Variants in ELOA2 observed in about 807,000 individuals in gnomAD.
ELOA2 encodes elongin A2, also known as elongin-A2.
For synonymous variants in ELOA2, 497 were observed against 398.8 expected, an observed-to-expected ratio of 1.25 and a Z score of -2.94; for missense variants, 1,271 against 979.7, an observed-to-expected ratio of 1.30 and a Z score of -3.97.
At position 47,033,139 on chromosome 18, in the gene ELOA2, C is replaced by G. The variant is rs759800111; in HGVS notation, c.2126G>C (p.Arg709Pro). The G allele has an allele frequency of 6.2e-7, 1 of 1,613,936 alleles. No individual in the cohort carries two copies. Among genetic ancestry groups the G allele is most frequent in the African/African-American group, 1.3e-5 (1 of 74,878 alleles). The change falls in exon 1 of 1, where the codon CGG becomes CCG. Residue 709 changes from arginine to proline, a missense_variant. By Grantham distance (103) the Arg-to-Pro change is moderately radical (BLOSUM62 -2). Coordinates refer to ENST00000332567, the MANE Select transcript of ELOA2 (RefSeq NM_016427.3). ...SSILRWLPEK[R>P]ANPCLSSSNE... ...GCTGCTGCTCAGGCAGGGGTTGGCC[C>G]GCTTCTCAGGGAGCCAGCGAAGGAT...
chr18:47,033,748 C>T lies in ELOA2; in HGVS notation c.1517G>A (p.Arg506His). Residue 506 changes from arginine to histidine, a missense_variant, in exon 1 of 1, where the codon CGC becomes CAC. Transcript: ENST00000332567. ...CACCGGCATCTTAGCATTCACTCTG[C>T]GTCCAGGGAAAGCAGCTTCCTCCCG... Reference protein sequence around the residue: ...KFREEAAFPGRRVNAKMPVYS... With the variant: ...KFREEAAFPGHRVNAKMPVYS... The T allele has an allele frequency of 1.2e-6, 2 of 1,614,200 alleles. No individual in the cohort carries two copies. Among genetic ancestry groups the T allele is most frequent in the Middle Eastern group, 1.6e-4 (1 of 6,062 alleles).
rs757001020 is a variant in ELOA2 at position 47,033,725 on chromosome 18, C to T, written c.1540G>A (p.Val514Met). ...CAGGCAGGCCTGGAGCCCGAGTACA[C>T]CGGCATCTTAGCATTCACTCTGCGT... ...PGRRVNAKMPVYSGSRPACQL... is the reference protein window; with the variant it reads ...PGRRVNAKMPMYSGSRPACQL... Residue 514 changes from valine (V) to methionine (M), a missense_variant, in exon 1 of 1, where the codon GTG becomes ATG. By Grantham distance (21) the Val-to-Met change is conservative. Coordinates refer to ENST00000332567, the MANE Select transcript of ELOA2 (RefSeq NM_016427.3). 8 of 1,614,188 alleles carry T rather than the reference C, an allele frequency of 5.0e-6. No homozygotes were observed. Among genetic ancestry groups the T allele is most frequent in the Non-Finnish European group, 6.8e-6 (8 of 1,180,054 alleles).
chr18:47,033,177 G>T lies in ELOA2; in HGVS notation c.2088C>A (p.Asp696Glu). 6.2e-7 allele frequency: 1 copy of T among 1,614,088 alleles called. No individual in the cohort carries two copies. Among genetic ancestry groups the T allele is most frequent in the Non-Finnish European group, 8.5e-7 (1 of 1,179,996 alleles). ...SSQSSSGGGR[D>E]SSSSILRWLP... Reference sequence around the variant, plus strand: ...GCCAGCGAAGGATGCTGCTGCTGCTGTCTCTGCCACCGCCGCTGCTGCTCT... The same window carrying T: ...GCCAGCGAAGGATGCTGCTGCTGCTTTCTCTGCCACCGCCGCTGCTGCTCT... The change falls in exon 1 of 1, where the codon GAC becomes GAA. Residue 696 changes from aspartate (D) to glutamate (E), a missense_variant. Coordinates refer to ENST00000332567, the MANE Select transcript of ELOA2 (RefSeq NM_016427.3).
chr18:47,032,558 C>G lies in ELOA2; in HGVS notation c.*445G>C, dbSNP rs1358060280. ...GATCATGCTCAGCCTTTTATTAAAA[C>G]AACAACAACGGCAGCAACAGCAAAC... On this transcript the variant is annotated 3_prime_UTR_variant, in exon 1 of 1. Coordinates refer to ENST00000332567, the MANE Select transcript of ELOA2 (RefSeq NM_016427.3). 2 of 210,690 alleles carry G rather than the reference C, an allele frequency of 9.5e-6. No homozygotes were observed. Among genetic ancestry groups the G allele is most frequent in the Non-Finnish European group, 1.9e-5 (2 of 105,074 alleles). The allele number at this position is 210,690 out of a possible 1,614,324, so 13.1% of individuals were successfully genotyped here. A position where few individuals can be genotyped will look rare whatever the true frequency, so the allele number is the denominator to read the frequency against.
rs577341359 is a variant in ELOA2, at chr18:47,033,157, C to G, written c.2108G>C (p.Arg703Pro). The G allele has an allele frequency of 2.5e-6, 4 of 1,614,042 alleles. No individual in the cohort carries two copies. Among genetic ancestry groups the G allele is most frequent in the South Asian group, 1.1e-5 (1 of 91,070 alleles). Residue 703 changes from arginine (R) to proline (P), a missense_variant, in exon 1 of 1, where the codon CGC (arginine) becomes CCC (proline). Coordinates refer to ENST00000332567, the MANE Select transcript of ELOA2 (RefSeq NM_016427.3). ...GGRDSSSSILRWLPEKRANPC... is the reference protein window; with the variant it reads ...GGRDSSSSILPWLPEKRANPC... ...GTTGGCCCGCTTCTCAGGGAGCCAGCGAAGGATGCTGCTGCTGCTGTCTCT... is the reference window on the plus strand; with the variant it reads ...GTTGGCCCGCTTCTCAGGGAGCCAGGGAAGGATGCTGCTGCTGCTGTCTCT...
rs139477376 is a variant in ELOA2, at chr18:47,033,562, T to C, written c.1703A>G (p.Tyr568Cys). 1.9e-6 allele frequency: 3 copies of C among 1,614,218 alleles called. No homozygotes were observed. The highest frequency in any genetic ancestry group is 2.5e-6 in the Non-Finnish European group (3 of 1,180,042). ...VLEGWRPDQLYRRKKDNHALV... is the reference protein window; with the variant it reads ...VLEGWRPDQLCRRKKDNHALV... The stretch of plus-strand genomic sequence containing the variant: ...TGCGTGATTGTCTTTCTTTCTGCGA[T>C]ACAGCTGATCGGGCCTCCACCCTTC... Residue 568 changes from tyrosine to cysteine, a missense_variant, in exon 1 of 1, where the codon TAT (tyrosine) becomes TGT (cysteine). Transcript: ENST00000332567.
rs1330623662 is a variant in ELOA2, at chr18:47,033,558, G to A, written c.1707C>T (p.Arg569=). ...CGAGTGCGTGATTGTCTTTCTTTCT[G>A]CGATACAGCTGATCGGGCCTCCACC... is the stretch of plus-strand genomic sequence containing the variant. The part of the protein sequence containing the change: ...LEGWRPDQLY[R]RKKDNHALVR... Residue 569 remains arginine (R), a synonymous_variant, in exon 1 of 1, where the codon CGC becomes CGT. Coordinates refer to ENST00000332567, the MANE Select transcript of ELOA2 (RefSeq NM_016427.3). 3.1e-6 allele frequency: 5 copies of A among 1,613,972 alleles called. No homozygotes were observed. Among genetic ancestry groups the A allele is most frequent in the Non-Finnish European group, 4.2e-6 (5 of 1,180,042 alleles).
chr18:47,032,988 A>G lies in ELOA2; in HGVS notation c.*15T>C, dbSNP rs199820971. The G allele has an allele frequency of 1.7e-5, 27 of 1,614,008 alleles. No homozygotes were observed. The East Asian group carries it at 5.8e-4, about 35-fold the overall frequency. ...AAAATCCCCCCAGATTTTATCTGCAAGGCAAGTCCTGAGTTTATCGTCGGG... is the reference window on the plus strand; with the variant it reads ...AAAATCCCCCCAGATTTTATCTGCAGGGCAAGTCCTGAGTTTATCGTCGGG... On this transcript the variant is annotated 3_prime_UTR_variant, in exon 1 of 1. Transcript: ENST00000332567.
chr18:47,033,238 G>C lies in ELOA2; in HGVS notation c.2027C>G (p.Ser676Cys). ...DPENGEIKPA[S>C]KPAGSSHTPS... is the part of the protein sequence containing the mutation. ...AGTGTGGCTGCTTCCCGCGGGCTTG[G>C]AGGCTGGCTTGATCTCCCCATTTTC... The change falls in exon 1 of 1, where the codon TCC becomes TGC. Residue 676 changes from serine (S) to cysteine (C), a missense_variant. By Grantham distance (112) the Ser-to-Cys change is moderately radical (BLOSUM62 -1). Coordinates refer to ENST00000332567, the MANE Select transcript of ELOA2 (RefSeq NM_016427.3). 6.2e-7 allele frequency: 1 copy of C among 1,613,852 alleles called. No homozygotes were observed.
Position 47,034,918 on chromosome 18 carries a change from G to A in ELOA2, c.347C>T (p.Ala116Val), listed in dbSNP as rs974032541. 3 of 1,611,820 alleles carry A rather than the reference G, an allele frequency of 1.9e-6. No homozygotes were observed. The highest frequency in any genetic ancestry group is 2.7e-5 in the African/African-American group (2 of 74,796). ...GTGAGATGGGCTCCTGGGGGCCGTC[G>A]CGTTTTCTGGGAAGCCCCAGGCCTT... Reference protein sequence around the residue: ...QEKAWGFPENATAPRSPSHSP... With the variant: ...QEKAWGFPENVTAPRSPSHSP... Residue 116 changes from alanine to valine, a missense_variant, in exon 1 of 1, where the codon GCG becomes GTG. Ala to Val is a moderately conservative substitution (Grantham distance 64). Coordinates refer to ENST00000332567, the MANE Select transcript of ELOA2 (RefSeq NM_016427.3).
rs537827227 is a variant in ELOA2, at chr18:47,032,935, C to T, written c.*68G>A. ...CTGGTGTCCATTGGAAGTTTCGTTC[C>T]CCAACCCGCATTGACTTTGCCAATG... On this transcript the variant is annotated 3_prime_UTR_variant, in exon 1 of 1. Transcript: ENST00000332567. 1,507 of 1,611,258 alleles carry T rather than the reference C, an allele frequency of 9.4e-4. 15 individuals are homozygous for T. Among genetic ancestry groups the T allele is most frequent in the East Asian group, 4.3e-3 (193 of 44,860 alleles).
In ELOA2 at chr18:47,033,609, G is replaced by A. The variant is rs1007258886; in HGVS notation, c.1656C>T (p.Tyr552=). 6.2e-7 allele frequency: 1 copy of A among 1,614,190 alleles called. No homozygotes were observed. Among genetic ancestry groups the A allele is most frequent in the South Asian group, 1.1e-5 (1 of 91,080 alleles). ...DALSDVGEVP[Y]WVLEPVLEGW... is the part of the protein sequence containing the mutation. ...CTTCCAGAACAGGTTCAAGAACCCAGTAGGGGACCTCTCCCACGTCGCTGA... is the reference window on the plus strand; with the variant it reads ...CTTCCAGAACAGGTTCAAGAACCCAATAGGGGACCTCTCCCACGTCGCTGA... The change falls in exon 1 of 1, where the codon TAC becomes TAT. Residue 552 remains tyrosine (Y), a synonymous_variant. Transcript: ENST00000332567.
rs2060611646 is a variant in ELOA2 at position 47,033,760 on chromosome 18, G to A, written c.1505C>T (p.Ala502Val). 1 of 1,614,242 alleles carries A rather than the reference G, an allele frequency of 6.2e-7. No individual in the cohort carries two copies. Among genetic ancestry groups the A allele is most frequent in the Non-Finnish European group, 8.5e-7 (1 of 1,180,056 alleles). The change falls in exon 1 of 1, where the codon GCT (alanine) becomes GTT (valine). Residue 502 changes from alanine (A) to valine (V), a missense_variant. Coordinates refer to ENST00000332567, the MANE Select transcript of ELOA2 (RefSeq NM_016427.3). ...AGCATTCACTCTGCGTCCAGGGAAA[G>A]CAGCTTCCTCCCGGAACTTTGGTGA... ...LSSPKFREEAAFPGRRVNAKM... is the reference protein window; with the variant it reads ...LSSPKFREEAVFPGRRVNAKM...
Position 47,033,659 on chromosome 18 carries a change from C to G in ELOA2, c.1606G>C (p.Val536Leu), listed in dbSNP as rs1158991586. Residue 536 changes from valine to leucine, a missense_variant, in exon 1 of 1, where the codon GTG becomes CTG. By Grantham distance (32) the Val-to-Leu change is conservative (BLOSUM62 1). Coordinates refer to ENST00000332567, the MANE Select transcript of ELOA2 (RefSeq NM_016427.3). The stretch of plus-strand genomic sequence containing the variant: ...AGGGCGTCCGGATTGTTTCTAAGCA[C>G]CTGGGCACACTGCTGGCGCAGCGTC... ...VPTLRQQCAQ[V>L]LRNNPDALSD... 6.2e-7 allele frequency: 1 copy of G among 1,614,086 alleles called. No individual in the cohort carries two copies. Among genetic ancestry groups the G allele is most frequent in the African/African-American group, 1.3e-5 (1 of 74,944 alleles).
rs761478370 is a variant in ELOA2 at position 47,034,791 on chromosome 18, G to C, written c.474C>G (p.Pro158=). The stretch of plus-strand genomic sequence containing the variant: ...GGCCGGAATCAGCTGGGGCTATTCT[G>C]GGGCACTTTCTCTCAGCTCTGGGCT... The part of the protein sequence containing the change: ...SREPRAERKC[P]RIAPADSGRY... The change falls in exon 1 of 1, where the codon CCC becomes CCG. Residue 158 remains proline, a synonymous_variant. Transcript: ENST00000332567. The C allele has an allele frequency of 3.1e-6, 5 of 1,612,442 alleles. No homozygotes were observed. The highest frequency in any genetic ancestry group is 4.2e-6 in the Non-Finnish European group (5 of 1,179,686).
chr18:47,035,022 T>C lies in ELOA2; in HGVS notation c.243A>G (p.Arg81=). ...ARWKKLVLVD[R]NTRPGPQDPE... is the part of the protein sequence containing the mutation. ...GGTCCTGTGGGCCAGGCCGGGTGTT[T>C]CGGTCCACGAGCACCAGCTTCTTCC... The change falls in exon 1 of 1, where the codon CGA becomes CGG. Residue 81 remains arginine, a synonymous_variant. Transcript: ENST00000332567. 5 of 1,611,658 alleles carry C rather than the reference T, an allele frequency of 3.1e-6. No homozygotes were observed. The highest frequency in any genetic ancestry group is 4.2e-6 in the Non-Finnish European group (5 of 1,179,594).
At position 47,033,753 on chromosome 18, in the gene ELOA2, A is replaced by T. The variant is rs762541877; in HGVS notation, c.1512T>A (p.Pro504=). Residue 504 remains proline, a synonymous_variant, in exon 1 of 1, where the codon CCT becomes CCA. Transcript: ENST00000332567. ...SPKFREEAAF[P]GRRVNAKMPV... The stretch of plus-strand genomic sequence containing the variant: ...GCATCTTAGCATTCACTCTGCGTCC[A>T]GGGAAAGCAGCTTCCTCCCGGAACT... 1 of 1,614,208 alleles carries T rather than the reference A, an allele frequency of 6.2e-7. No homozygotes were observed. Among genetic ancestry groups the T allele is most frequent in the South Asian group, 1.1e-5 (1 of 91,080 alleles).
In ELOA2 at chr18:47,034,335, G is replaced by A; in HGVS notation, c.930C>T (p.His310=). 1 of 1,613,210 alleles carries A rather than the reference G, an allele frequency of 6.2e-7. No individual in the cohort carries two copies. The highest frequency in any genetic ancestry group is 8.5e-7 in the Non-Finnish European group (1 of 1,179,300). ...TGGGCCTCTTCTTGTTCGAGTGACT[G>A]TGCTGAGGCCTCTTCTGGTGACTGT... ...APDSHQKRPQ[H]SHSNKKRPSL... is the part of the protein sequence containing the mutation. Residue 310 remains histidine, a synonymous_variant, in exon 1 of 1, where the codon CAC becomes CAT. Transcript: ENST00000332567.
chr18:47,034,689 T>C lies in ELOA2; in HGVS notation c.576A>G (p.Gln192=), dbSNP rs769594320. ...CCGCGTGAGTGTGGCCTCTTCCGGG[T>C]TGCTTCCCGGGCGCAGCGGGCTCAG... ...EGPEPAAPGK[Q]PGRGHTHAAQ... Residue 192 remains glutamine (Q), a synonymous_variant, in exon 1 of 1, where the codon CAA becomes CAG. Coordinates refer to ENST00000332567, the MANE Select transcript of ELOA2 (RefSeq NM_016427.3). 3 of 1,613,076 alleles carry C rather than the reference T, an allele frequency of 1.9e-6. No individual in the cohort carries two copies. The highest frequency in any genetic ancestry group is 1.7e-6 in the Non-Finnish European group (2 of 1,179,896).
Sources: gnomAD v4.1 joint callset for allele counts on GRCh38, gnomAD v4.1.1 for gene constraint, MANE v1.5 for transcripts, NCBI Gene and HGNC (gene_info 2026-07-23, HGNC 2026-07-21) for gene names.